The following SUPT3H variants were observed in gnomAD, a reference collection of about 807,000 sequenced individuals.
The protein encoded by SUPT3H is SPT3 homolog, SAGA and STAGA complex component, also known as transcription initiation protein SPT3 homolog.
SUPT3H carries 44 observed loss-of-function variants against 44.3 expected under a neutral mutation model. The ratio of observed to expected loss-of-function variants is 0.99; its 90% CI spans 0.78 to 1.28. The LOEUF (loss-of-function observed/expected upper bound fraction) is 1.28, where lower values mean the gene tolerates loss of function less well. Among genes scored for constraint, SUPT3H ranks in the 50% most tolerant of loss-of-function variants. The pLI is 0.00. For synonymous variants in SUPT3H, 124 were observed against 125.6 expected (o/e 0.99, Z 0.09); for missense variants, 380 against 387.1 (o/e 0.98, Z 0.15).
intron 1 of SUPT3H, among the ~76,000 whole-genome samples, chr6:45,373,241 G>A (rs772152010): frequency 3.9e-5 from 6 of 152,130 alleles, no homozygotes; most frequent in Non-Finnish European, 8.8e-5. Flanking sequence ...CACAGAGCCG[G>A]CCACGATTTT....
At chr6:44,852,426 G>A (rs144075495) in intron 10 of SUPT3H, among the ~76,000 whole-genome samples, 2 of 152,226 alleles carry the variant, frequency 1.3e-5, no homozygotes, top group East Asian at 3.9e-4. Flanking sequence ...TGGAGGTCAA[G>A]TTTCAGCAGG....
intron 2 of SUPT3H, among the ~76,000 whole-genome samples, chr6:45,249,945 G>A (rs114280648): frequency 0.017 from 2,661 of 152,100 alleles, 49 homozygotes; most frequent in South Asian, 0.085. Context: ...TTACAACCAG[G>A]CTTATAAACC....
At chr6:45,224,230 A>G (rs1049063596) in intron 2 of SUPT3H, among the ~76,000 whole-genome samples, 19 of 151,858 alleles carry the variant, frequency 1.3e-4, no homozygotes, top group Admixed American at 6.6e-4. Context: ...TGTATTGTCT[A>G]TTTAAAGATG....
intron 2 of SUPT3H, among the ~76,000 whole-genome samples, chr6:45,347,273 T>A (rs1276195882): frequency 6.6e-6 from 1 of 152,210 alleles, no homozygotes; most frequent in African/African-American, 2.4e-5. Flanking sequence ...TAAATTTCTT[T>A]AAAATGAATT....
chr6:44,894,355 G>A (rs1025277159), intron 10 of SUPT3H, among the ~76,000 whole-genome samples: 1 of 152,058 alleles, frequency 6.6e-6, no homozygotes, highest in African/African-American at 2.4e-5. Flanking sequence ...TATGGTTTTA[G>A]GTCTCACGTT....
rs912876005 is a variant in SUPT3H at position 44,950,811 on chromosome 6, T to C, written c.801+2499A>G. On this transcript the variant is annotated intron_variant, in intron 9 of 10. Coordinates refer to ENST00000371459, the MANE Select transcript of SUPT3H (RefSeq NM_003599.4). ...TACCATTTGGATCTTTTTTTTTTTT[T>C]CCTCTTGTTTTATTTTTTATTATTA... Among the ~76,000 whole-genome samples the C allele has an allele frequency of 2.7e-5, 4 of 149,790 alleles. 1 individual carries two copies. Among genetic ancestry groups the C allele is most frequent in the East Asian group, 3.9e-4 (2 of 5,182 alleles).
chr6:45,193,613 G>A (rs1224667869), intron 2 of SUPT3H, among the ~76,000 whole-genome samples: 1 of 152,156 alleles, frequency 6.6e-6, no homozygotes, highest in South Asian at 2.1e-4. Context: ...CTACTTGGGA[G>A]GCTGAGGCAG....
In SUPT3H at chr6:45,014,781, TTG is replaced by T. The variant is rs374243141; in HGVS notation, c.364+18_364+19del. The T allele has an allele frequency of 3.9e-6, 6 of 1,532,142 alleles. No individual in the cohort carries two copies. The African/African-American group carries it at 5.6e-5, about 14-fold the overall frequency. 94.9% of individuals were successfully genotyped at this position (1,532,142 alleles called of 1,614,324 possible). ...TGTGTCATAAGCTCATGTTTTAGTTTTGTGTTTTGTTTTGGTTACCTTCGAGA... is the reference window on the plus strand; with the variant it reads ...TGTGTCATAAGCTCATGTTTTAGTTTTGTTTTGTTTTGGTTACCTTCGAGA... On this transcript the variant is annotated intron_variant, in intron 5 of 10. Transcript: ENST00000371459.
intron 10 of SUPT3H, among the ~76,000 whole-genome samples, chr6:44,908,093 A>C (rs1766394181): frequency 6.6e-6 from 1 of 152,016 alleles, no homozygotes; most frequent in South Asian, 2.1e-4. Context: ...TGTCCAAAGA[A>C]TTTAATTTTA....
chr6:45,366,072 A>C (rs1795084997), intron 1 of SUPT3H, among the ~76,000 whole-genome samples: 1 of 152,204 alleles, frequency 6.6e-6, no homozygotes, highest in Non-Finnish European at 1.5e-5. Flanking sequence ...GAAAGTAGGT[A>C]AACCCTCATC....
intron 2 of SUPT3H, among the ~76,000 whole-genome samples, chr6:45,158,615 C>A (rs913166996): frequency 6.6e-6 from 1 of 151,410 alleles, no homozygotes; most frequent in Non-Finnish European, 1.5e-5. Flanking sequence ...CTTGGGGATA[C>A]CTTTGATTTG....
chr6:44,883,312 T>C (rs1475361706), intron 10 of SUPT3H, among the ~76,000 whole-genome samples: 1 of 152,064 alleles, frequency 6.6e-6, no homozygotes, highest in Non-Finnish European at 1.5e-5. Flanking sequence ...GGAATACAAC[T>C]TACAAGGGAT....
chr6:45,288,341 G>T (rs115588121), intron 2 of SUPT3H, among the ~76,000 whole-genome samples: 3,058 of 151,910 alleles, frequency 0.02, 103 homozygotes, highest in African/African-American at 0.069. Flanking sequence ...TTTTGAATCA[G>T]TAACAGTGGT....
At chr6:45,209,740 A>T (rs1253528975) in intron 2 of SUPT3H, among the ~76,000 whole-genome samples, 1 of 152,238 alleles carries the variant, frequency 6.6e-6, no homozygotes, top group Non-Finnish European at 1.5e-5. Flanking sequence ...AGAGAACTGA[A>T]TCCAATTTTG....
intron 6 of SUPT3H, among the ~76,000 whole-genome samples, chr6:44,992,512 C>T (rs945710628): frequency 2.0e-5 from 3 of 152,052 alleles, no homozygotes; most frequent in African/African-American, 7.2e-5. Context: ...TGCTTTCCTA[C>T]CAAATCCAGA....
intron 3 of SUPT3H, among the ~76,000 whole-genome samples, chr6:45,102,062 T>C (rs185313916): frequency 7.2e-5 from 11 of 152,238 alleles, no homozygotes; most frequent in African/African-American, 2.4e-4. Context: ...ATTTTAGTTA[T>C]GGTTATAAGA....
At chr6:44,898,117 T>C (rs981564796) in intron 10 of SUPT3H, among the ~76,000 whole-genome samples, 2 of 152,244 alleles carry the variant, frequency 1.3e-5, no homozygotes, top group Non-Finnish European at 2.9e-5. Flanking sequence ...CTTATGATCC[T>C]TTGAGGCCTT....
At chr6:45,372,148 C>A in intron 1 of SUPT3H, 1 of 437,500 alleles carries the variant, frequency 2.3e-6, no homozygotes, top group Non-Finnish European at 3.0e-6. Flanking sequence ...AAGAGCTAGG[C>A]TCTGGAGTTA....
intron 2 of SUPT3H, among the ~76,000 whole-genome samples, chr6:45,247,473 G>A (rs941200766): frequency 6.6e-6 from 1 of 152,102 alleles, no homozygotes; most frequent in Non-Finnish European, 1.5e-5. Flanking sequence ...TATTTTACTA[G>A]TTATGGCTAG....
Sources: allele counts gnomAD v4.1 joint callset (sites outside exome capture counted in the v4.1 genomes callset), GRCh38; gene constraint gnomAD v4.1.1; transcripts MANE v1.5; gene names NCBI Gene and HGNC (gene_info 2026-07-23, HGNC 2026-07-21).